The following DSE variants were observed in gnomAD, a reference collection of about 807,000 sequenced individuals.
DSE encodes the protein dermatan-sulfate epimerase.
A neutral mutation model predicts 84.4 loss-of-function variants in DSE; 36 were observed. That is an observed-to-expected ratio of 0.43 (90% CI 0.33 to 0.56). DSE has a LOEUF of 0.56. Among genes scored for constraint, DSE ranks in the 20% least tolerant of loss-of-function variants. The pLI, the probability that DSE is intolerant of heterozygous loss-of-function variation, is 0.06. For missense variants in DSE, 862 were observed against 1,169.6 expected (o/e 0.74, Z 3.84); for synonymous variants, 410 against 430.1 (o/e 0.95, Z 0.58).
chr6:116,417,294 A>C (rs1331891080), intron 2 of DSE, among the ~76,000 whole-genome samples: 1 of 152,218 alleles, frequency 6.6e-6, no homozygotes, highest in Non-Finnish European at 1.5e-5. Flanking sequence ...ATATTTGGGT[A>C]ATAACACTTC....
intron 2 of DSE, among the ~76,000 whole-genome samples, chr6:116,300,153 C>T (rs1774945642): frequency 6.6e-6 from 1 of 152,118 alleles, no homozygotes; most frequent in Non-Finnish European, 1.5e-5. Flanking sequence ...TTTATTTTTG[C>T]CCCAACCTAC....
At chr6:116,304,122 CAA>C (rs10641724) in intron 2 of DSE, among the ~76,000 whole-genome samples, 20 of 110,966 alleles carry the variant, frequency 1.8e-4, no homozygotes, top group East Asian at 2.6e-4. Context: ...GACTCCGTCT[CAA>C]AAAAAAAAAA....
intron 2 of DSE, among the ~76,000 whole-genome samples, chr6:116,406,612 G>C (rs1246537080): frequency 2.0e-5 from 3 of 152,222 alleles, no homozygotes; most frequent in Admixed American, 2.0e-4. Context: ...ATGATAACTT[G>C]AGAGTAATAA....
intron 2 of DSE, among the ~76,000 whole-genome samples, chr6:116,310,395 A>C (rs997876206): frequency 5.3e-5 from 8 of 151,006 alleles, no homozygotes; most frequent in Admixed American, 2.0e-4. Context: ...GTTGCTGGTG[A>C]TATCTTCTGC....
chr6:116,376,846 T>G (rs1779958294), intron 1 of DSE, among the ~76,000 whole-genome samples: 1 of 152,234 alleles, frequency 6.6e-6, no homozygotes, highest in African/African-American at 2.4e-5. Context: ...GCAGTTGGCT[T>G]TCAATTACAT....
rs1161560147 is a variant in DSE at position 116,439,033 on chromosome 6, G to A, written c.*1688G>A. ...TTTCAAAAGAATAATGCTTCCGTTT[G>A]TCCTGCATGGATGCTCTTACTAGGA... is the stretch of plus-strand genomic sequence containing the variant. On this transcript the variant is annotated 3_prime_UTR_variant, in exon 6 of 6. Coordinates refer to ENST00000644252, the MANE Select transcript of DSE (RefSeq NM_013352.4). The A allele has an allele frequency of 6.6e-6, 1 of 152,172 alleles. No homozygotes were observed. Among genetic ancestry groups the A allele is most frequent in the African/African-American group, 2.4e-5 (1 of 41,438 alleles). The allele number at this position is 152,172 out of a possible 1,614,324, so 9.4% of individuals were successfully genotyped here.
At chr6:116,333,963 A>T (rs531606159) in intron 2 of DSE, among the ~76,000 whole-genome samples, 2 of 152,192 alleles carry the variant, frequency 1.3e-5, no homozygotes, top group South Asian at 4.2e-4. Context: ...CAGAGCAAGA[A>T]CCCCTCTCAA....
intron 2 of DSE, among the ~76,000 whole-genome samples, chr6:116,267,686 C>T (rs1406574309): frequency 1.3e-5 from 2 of 152,008 alleles, no homozygotes; most frequent in African/African-American, 4.8e-5. Context: ...TGTACAATAG[C>T]ATATTAGTCC....
intron 2 of DSE, among the ~76,000 whole-genome samples, chr6:116,411,148 T>A (rs1583194371): frequency 1.3e-5 from 2 of 152,102 alleles, no homozygotes; most frequent in East Asian, 1.9e-4. Flanking sequence ...AACTTAAGAA[T>A]GGGTGTGTGT....
At chr6:116,400,421 A>G (rs182198498) in intron 2 of DSE, 9 of 152,326 alleles carry the variant, frequency 5.9e-5, no homozygotes, top group Admixed American at 5.9e-4. Context: ...AAGAATTTAC[A>G]GATTGATGAA....
intron 2 of DSE, among the ~76,000 whole-genome samples, chr6:116,265,029 C>T (rs1273974085): frequency 7.2e-5 from 11 of 152,166 alleles, no homozygotes; most frequent in Non-Finnish European, 2.9e-5. Flanking sequence ...ATTGCAGCAA[C>T]AGGGGGATCT....
In DSE at chr6:116,437,047, T is replaced by C. The variant is rs1157213700; in HGVS notation, c.2579T>C (p.Leu860Ser). ...IDEDEEMKDL[L>S]DFADVTYEKH... ...GAAGATGAAGAAATGAAAGACCTTT[T>C]AGATTTTGCAGATGTAACATACGAG... Residue 860 changes from leucine to serine, a missense_variant, in exon 6 of 6, where the codon TTA becomes TCA. Leu to Ser is a moderately radical substitution (Grantham distance 145). Around this residue, in one of 4 missense-constraint regions of DSE, gnomAD observed 315 missense variants for 348.1 expected, o/e 0.90. Transcript: ENST00000644252. 1.3e-5 allele frequency: 21 copies of C among 1,614,054 alleles called. No individual in the cohort carries two copies. Among genetic ancestry groups the C allele is most frequent in the Non-Finnish European group, 1.8e-5 (21 of 1,179,998 alleles).
Position 116,278,495 on chromosome 6 carries a change from G to C in DSE, c.-54+19528G>C, listed in dbSNP as rs193166930. 1,361 of 1,613,524 alleles carry C rather than the reference G, an allele frequency of 8.4e-4. 6 individuals are homozygous for C. Among genetic ancestry groups the C allele is most frequent in the Non-Finnish European group, 8.8e-4 (1,035 of 1,179,996 alleles). ...AGAAGGTGGTAGGAGACCTTGTGCA[G>C]GAGTATTCCCAAGGGCAAATGTTAA... is the stretch of plus-strand genomic sequence containing the variant. On this transcript the variant is annotated intron_variant, in intron 2 of 3. Transcript: ENST00000430252.
intron 1 of DSE, among the ~76,000 whole-genome samples, chr6:116,396,478 G>A (rs1004839352): frequency 1.3e-5 from 2 of 152,152 alleles, no homozygotes; most frequent in Non-Finnish European, 1.5e-5. Context: ...ATCTCTATGG[G>A]TTCTGCATTG....
At chr6:116,278,584 C>A (rs752827756) in intron 2 of DSE, 2 of 1,614,188 alleles carry the variant, frequency 1.2e-6, no homozygotes, top group South Asian at 2.2e-5. Flanking sequence ...ACGTCGGGCT[C>A]TACGGACTCC....
intron 2 of DSE, among the ~76,000 whole-genome samples, chr6:116,421,200 G>A (rs1349700762): frequency 2.0e-5 from 3 of 151,742 alleles, no homozygotes; most frequent in Non-Finnish European, 4.4e-5. Context: ...ATTCACCTTT[G>A]AAAATATTCA....
At chr6:116,334,010 G>A (rs1458685284) in intron 2 of DSE, among the ~76,000 whole-genome samples, 1 of 152,080 alleles carries the variant, frequency 6.6e-6, no homozygotes, top group African/African-American at 2.4e-5. Flanking sequence ...TGTGAAAGAA[G>A]TTTGACTCTT....
At chr6:116,399,086 C>G (rs2114993734) in intron 1 of DSE, 112 bp from the exon 2 acceptor site, 1 of 900,712 alleles carries the variant, frequency 1.1e-6, no homozygotes, top group East Asian at 2.7e-5. Context: ...TTTTAAAAAT[C>G]TAAATTCATA....
chr6:116,395,159 C>T (rs187372280), intron 1 of DSE, among the ~76,000 whole-genome samples: 175 of 152,330 alleles, frequency 1.1e-3, no homozygotes, highest in African/African-American at 4.0e-3. Flanking sequence ...GGCGCGGTGG[C>T]GCACGCCTGT....
Sources: gnomAD v4.1 joint callset for allele counts (sites outside exome capture counted in the v4.1 genomes callset) on GRCh38, gnomAD v4.1.1 for gene constraint, gnomAD v4.1.1 regional missense constraint, MANE v1.5 for transcripts, NCBI Gene and HGNC (gene_info 2026-07-23, HGNC 2026-07-21) for gene names.